Variants in PAMR1 observed in about 807,000 individuals in gnomAD.
The protein encoded by PAMR1 is inactive serine protease PAMR1.
PAMR1 carries 88 observed loss-of-function variants against 81.8 expected under a neutral mutation model. The observed-to-expected ratio is 1.08, with a 90% CI of 0.91 to 1.28. The LOEUF is 1.28. Among genes scored for constraint, PAMR1 ranks in the 50% most tolerant of loss-of-function variants. PAMR1 has a pLI of 0.00. For missense variants in PAMR1, 935 were observed against 919.7 expected (o/e 1.02, Z -0.21); for synonymous variants, 336 against 345.3 (o/e 0.97, Z 0.30).
intron 3 of PAMR1, among the ~76,000 whole-genome samples, chr11:35,476,266 C>A (rs1697856713): frequency 6.6e-6 from 1 of 152,174 alleles, no homozygotes; most frequent in African/African-American, 2.4e-5. Flanking sequence ...TCATCTCCTC[C>A]TTCATCTCCT....
chr11:35,477,569 G>C (rs1040087910), intron 3 of PAMR1, among the ~76,000 whole-genome samples: 4 of 152,182 alleles, frequency 2.6e-5, no homozygotes, highest in Admixed American at 2.0e-4. Context: ...TACTTCCTTT[G>C]TCAGAACCTC....
chr11:35,517,516 T>C (rs1265189025), intron 1 of PAMR1, among the ~76,000 whole-genome samples: 2 of 152,200 alleles, frequency 1.3e-5, no homozygotes, highest in African/African-American at 4.8e-5. Context: ...CACTGGATGG[T>C]ATAAGGTAAA....
chr11:35,434,648 C>A lies in PAMR1; in HGVS notation c.1490G>T (p.Arg497Leu). 1 of 1,614,112 alleles carries A rather than the reference C, an allele frequency of 6.2e-7. No homozygotes were observed. Among genetic ancestry groups the A allele is most frequent in the Non-Finnish European group, 8.5e-7 (1 of 1,180,020 alleles). The change falls in exon 10 of 11, where the codon CGC (arginine) becomes CTC (leucine). Residue 497 changes from arginine (R) to leucine (L), a missense_variant. Transcript: ENST00000619888. ...ACAGTGGGCAGCCACCACCACAGTG[C>A]GCTCATTCACCAGGGCACCGCTGCA... is the stretch of plus-strand genomic sequence containing the variant. Reference protein sequence around the residue: ...LVCSGALVNERTVVVAAHCVT... With the variant: ...LVCSGALVNELTVVVAAHCVT...
chr11:35,526,704 G>A (rs940572858), upstream of PAMR1, among the ~76,000 whole-genome samples: 2 of 152,190 alleles, frequency 1.3e-5, no homozygotes, highest in African/African-American at 4.8e-5. Context: ...TAGCCACTAG[G>A]CTATAGAGCT....
chr11:35,436,141 T>A lies in PAMR1; in HGVS notation c.1101-6A>T. ...GCTGGTGTAATGGTGTCTCCCTGGGTCAGGAAACATGGGCCCAGAGAAAGA... is the reference window on the plus strand; with the variant it reads ...GCTGGTGTAATGGTGTCTCCCTGGGACAGGAAACATGGGCCCAGAGAAAGA... On this transcript the variant is annotated splice_region_variant and splice_polypyrimidine_tract_variant and intron_variant, in intron 8 of 10. Coordinates refer to ENST00000619888, the MANE Select transcript of PAMR1 (RefSeq NM_001001991.3). 2 of 1,594,202 alleles carry A rather than the reference T, an allele frequency of 1.3e-6. No individual in the cohort carries two copies. The highest frequency in any genetic ancestry group is 3.3e-5 in the Admixed American group (2 of 59,936).
At chr11:35,445,879 A>ATT (rs1234146684) in intron 6 of PAMR1, among the ~76,000 whole-genome samples, 3 of 152,116 alleles carry the variant, frequency 2.0e-5, no homozygotes, top group Admixed American at 2.0e-4. Flanking sequence ...CTCCTTTTCC[A>ATT]TTGTTTTGAA....
intron 6 of PAMR1, chr11:35,453,550 C>T (rs1434726890): frequency 6.6e-6 from 1 of 152,222 alleles, no homozygotes; most frequent in Non-Finnish European, 1.5e-5. Context: ...TATGTGAATT[C>T]TAAGACTTGC....
chr11:35,498,256 C>T (rs1021921395), intron 1 of PAMR1, among the ~76,000 whole-genome samples: 8 of 152,028 alleles, frequency 5.3e-5, no homozygotes, highest in African/African-American at 1.7e-4. Context: ...TGTGAAAAGT[C>T]GAGGAGGGAG....
intron 3 of PAMR1, among the ~76,000 whole-genome samples, chr11:35,476,524 A>G (rs895675508): frequency 1.3e-5 from 2 of 152,160 alleles, no homozygotes; most frequent in African/African-American, 4.8e-5. Flanking sequence ...CCCTTCTGCC[A>G]TGATTGTAAG....
intron 5 of PAMR1, 22 bp downstream of exon 5, chr11:35,470,579 C>T (rs377117528): frequency 6.9e-5 from 110 of 1,584,100 alleles, no homozygotes; most frequent in Non-Finnish European, 8.8e-5. Context: ...TAAAATGCCA[C>T]ATTTGTCTCC....
chr11:35,495,008 A>G (rs1206788173), intron 1 of PAMR1, among the ~76,000 whole-genome samples: 9 of 152,228 alleles, frequency 5.9e-5, no homozygotes, highest in Admixed American at 5.9e-4. Flanking sequence ...TAGGTTGTGC[A>G]CTGCACAGAT....
At chr11:35,500,014 C>T (rs922740780) in intron 1 of PAMR1, among the ~76,000 whole-genome samples, 8 of 152,168 alleles carry the variant, frequency 5.3e-5, no homozygotes, top group Non-Finnish European at 8.8e-5. Flanking sequence ...GACTGTAGAA[C>T]CACAACCCAA....
intron 6 of PAMR1, among the ~76,000 whole-genome samples, chr11:35,444,274 T>A (rs939054737): frequency 2.6e-5 from 4 of 152,194 alleles, no homozygotes; most frequent in African/African-American, 9.7e-5. Context: ...GTTCCAAAAC[T>A]TTTCTCCCAT....
Position 35,436,089 on chromosome 11 carries a change from T to G in PAMR1, c.1147A>C (p.Lys383Gln). Residue 383 changes from lysine to glutamine, a missense_variant, in exon 9 of 11, where the codon AAA becomes CAA. By Grantham distance (53) the Lys-to-Gln change is moderately conservative. Coordinates refer to ENST00000619888, the MANE Select transcript of PAMR1 (RefSeq NM_001001991.3). ...QLYSAAFSKQ[K>Q]LQSAPTKKPA... ...TTCTTGGTAGGGGCACTCTGCAGTTTCTGCTTGCTGAAGGCCGCTGAGTAT... is the reference window on the plus strand; with the variant it reads ...TTCTTGGTAGGGGCACTCTGCAGTTGCTGCTTGCTGAAGGCCGCTGAGTAT... 1 of 1,614,204 alleles carries G rather than the reference T, an allele frequency of 6.2e-7. No individual in the cohort carries two copies. Among genetic ancestry groups the G allele is most frequent in the Non-Finnish European group, 8.5e-7 (1 of 1,180,032 alleles).
intron 9 of PAMR1, 114 bp from the exon 10 acceptor site, chr11:35,434,918 G>A: frequency 2.1e-6 from 2 of 935,984 alleles, no homozygotes; most frequent in East Asian, 2.5e-5. Flanking sequence ...TGGGCATGAT[G>A]ACCACTAAGA....
chr11:35,498,515 G>GA (rs79343503), intron 1 of PAMR1, among the ~76,000 whole-genome samples: 36,060 of 151,936 alleles, frequency 0.24, 5,361 homozygotes, highest in Non-Finnish European at 0.32. Flanking sequence ...AGCTTAGAAA[G>GA]AAAAAAAGAA....
In PAMR1 at chr11:35,434,770, C is replaced by T. The variant is rs749110579; in HGVS notation, c.1368G>A (p.Lys456=). 9.9e-6 allele frequency: 16 copies of T among 1,613,958 alleles called. No homozygotes were observed. Among genetic ancestry groups the T allele is most frequent in the Non-Finnish European group, 1.3e-5 (15 of 1,179,992 alleles). Residue 456 remains lysine, a synonymous_variant, in exon 10 of 11, where the codon AAG becomes AAA. Coordinates refer to ENST00000619888, the MANE Select transcript of PAMR1 (RefSeq NM_001001991.3). The part of the protein sequence containing the change: ...CGKIENITAP[K]TQGLRWPWQA... ...GCCACGGCCAGCGCAACCCTTGGGT[C>T]TTTGGAGCAGTGATGTTCTCAATTT...
chr11:35,513,790 C>T (rs946686984), intron 1 of PAMR1, among the ~76,000 whole-genome samples: 10 of 152,182 alleles, frequency 6.6e-5, no homozygotes, highest in African/African-American at 2.2e-4. Context: ...TATTCCTGGA[C>T]CACAGTCCAG....
chr11:35,516,978 G>T (rs1055268856), intron 1 of PAMR1, among the ~76,000 whole-genome samples: 1 of 152,158 alleles, frequency 6.6e-6, no homozygotes, highest in Admixed American at 6.5e-5. Flanking sequence ...GGAGAAGGGA[G>T]TGATTAGACC....
Sources: allele counts gnomAD v4.1 joint callset (sites outside exome capture counted in the v4.1 genomes callset), GRCh38; gene constraint gnomAD v4.1.1; transcripts MANE v1.5; gene names NCBI Gene and HGNC (gene_info 2026-07-23, HGNC 2026-07-21).